The following MX1 variants were observed in gnomAD, a reference collection of about 807,000 sequenced individuals.
The protein encoded by MX1 is interferon-induced GTP-binding protein Mx1.
A neutral mutation model predicts 66.4 loss-of-function variants in MX1; 66 were observed. The ratio of observed to expected loss-of-function variants is 0.99; its 90% CI spans 0.82 to 1.22. The LOEUF (loss-of-function observed/expected upper bound fraction) is 1.22. MX1 is among the 50% of genes most tolerant of loss of function. The pLI is 0.00. For synonymous variants in MX1, 311 were observed against 318.1 expected (o/e 0.98, Z 0.24); for missense variants, 787 against 834.3 (o/e 0.94, Z 0.70).
chr21:41,450,329 T>C (rs1187373919), intron 14 of MX1, among the ~76,000 whole-genome samples: 1 of 152,184 alleles, frequency 6.6e-6, no homozygotes, highest in African/African-American at 2.4e-5. Context: ...TTTCCAGGTA[T>C]TAAATCTCTA....
At chr21:41,439,898 A>C in intron 8 of MX1, 50 bp downstream of exon 8, 5 of 680,428 alleles carry the variant, frequency 7.3e-6, no homozygotes, top group South Asian at 1.7e-5. Context: ...GGGATGGGGG[A>C]GTGGAGGGGT....
chr21:41,458,482 T>TCACAGTGTCCCCTCCA, intron 16 of MX1, 46 bp from the exon 17 acceptor site: 1 of 1,609,548 alleles, frequency 6.2e-7, no homozygotes, highest in Non-Finnish European at 8.5e-7. Context: ...AGTCCCCTCC[T>TCACAGTGTCCCCTCCA]CACAGTGTCC....
At position 41,439,839 on chromosome 21, in the gene MX1, T is replaced by G; in HGVS notation, c.582T>G (p.Ile194Met). ...CTGTGGGCAATCAGCCTGCTGACAT[T>G]GGGTATAAGGTCAGACTTCAGACCC... is the stretch of plus-strand genomic sequence containing the variant. The part of the protein sequence containing the change: ...RVAVGNQPAD[I>M]GYKIKTLIKK... The change falls in exon 8 of 17, where the codon ATT becomes ATG. Residue 194 changes from isoleucine to methionine, a missense_variant. Coordinates refer to ENST00000398598, the MANE Select transcript of MX1 (RefSeq NM_002462.5). The G allele has an allele frequency of 6.2e-7, 1 of 1,606,208 alleles. No individual in the cohort carries two copies. The highest frequency in any genetic ancestry group is 8.5e-7 in the Non-Finnish European group (1 of 1,177,200).
intron 14 of MX1, among the ~76,000 whole-genome samples, chr21:41,450,323 C>T (rs1240486315): frequency 6.6e-6 from 1 of 152,050 alleles, no homozygotes; most frequent in Non-Finnish European, 1.5e-5. Context: ...CTTGGTTTTC[C>T]AGGTATTAAA....
chr21:41,425,516 G>A (rs2090042630), upstream of MX1, among the ~76,000 whole-genome samples: 1 of 152,226 alleles, frequency 6.6e-6, no homozygotes, highest in African/African-American at 2.4e-5. Flanking sequence ...CCATCTGGAT[G>A]TATACCTGCA....
At chr21:41,444,318 C>CTTTTTTTTTTTTTTTTT (rs11317486) in intron 11 of MX1, among the ~76,000 whole-genome samples, 10 of 71,538 alleles carry the variant, frequency 1.4e-4, no homozygotes, top group African/African-American at 1.2e-4. Flanking sequence ...TCTTTTCTTT[C>CTTTTTTTTTTTTTTTTT]TTTTTTTTTT....
At chr21:41,452,008 C>T (rs1205341214) in intron 15 of MX1, among the ~76,000 whole-genome samples, 1 of 152,038 alleles carries the variant, frequency 6.6e-6, no homozygotes, top group Non-Finnish European at 1.5e-5. Context: ...AGCTGGAGGC[C>T]TTGGGATGTG....
At position 41,436,853 on chromosome 21, in the gene MX1, C is replaced by T. The variant is rs143891958; in HGVS notation, c.299-162C>T. On this transcript the variant is annotated intron_variant, in intron 6 of 16. Coordinates refer to ENST00000398598, the MANE Select transcript of MX1 (RefSeq NM_002462.5). ...ATGCATGTTCTTGAGGTCACCCAGA[C>T]ACAGTGCGATGTCCCCGCATATCAG... Among the ~76,000 whole-genome samples the T allele has an allele frequency of 2.0e-5, 3 of 152,310 alleles. No homozygotes were observed. In the East Asian group the frequency reaches 5.8e-4, roughly 29 times the overall value.
intron 11 of MX1, among the ~76,000 whole-genome samples, chr21:41,444,553 A>C (rs1163730753): frequency 1.3e-5 from 2 of 150,978 alleles, no homozygotes; most frequent in Non-Finnish European, 3.0e-5. Context: ...CCTTTTTCAA[A>C]TTTTCAACTC....
intron 3 of MX1, among the ~76,000 whole-genome samples, chr21:41,430,270 C>T (rs557515880): frequency 9.5e-4 from 144 of 152,082 alleles, no homozygotes; most frequent in African/African-American, 3.2e-3. Flanking sequence ...GAGATTCCTG[C>T]GAGGGGAAGC....
In MX1 at chr21:41,451,212, A is replaced by T. The variant is rs1161913847; in HGVS notation, c.1478A>T (p.Glu493Val). The T allele has an allele frequency of 2.5e-6, 4 of 1,612,992 alleles. No individual in the cohort carries two copies. Among genetic ancestry groups the T allele is most frequent in the East Asian group, 4.5e-5 (2 of 44,854 alleles). ...ACAGATGTTTCGATAAAAAATTTTGAAGAGTTTTTTAACCTCCACAGAACC... is the reference window on the plus strand; with the variant it reads ...ACAGATGTTTCGATAAAAAATTTTGTAGAGTTTTTTAACCTCCACAGAACC... ...AFTDVSIKNF[E>V]EFFNLHRTAK... Residue 493 changes from glutamate to valine, a missense_variant, in exon 15 of 17, where the codon GAA (glutamate) becomes GTA (valine). Physicochemically the swap from Glu to Val is moderately radical, Grantham distance 121. Transcript: ENST00000398598.
Position 41,458,797 on chromosome 21 carries a change from GTC to G in MX1, c.*41_*42del. 1 of 1,584,660 alleles carries G rather than the reference GTC, an allele frequency of 6.3e-7. No homozygotes were observed. Among genetic ancestry groups the G allele is most frequent in the Non-Finnish European group, 8.6e-7 (1 of 1,167,152 alleles). Reference sequence around the variant, plus strand: ...AGCCCCGTAGACGTGCACGCACACTGTCTGCCCCCGTTCCCGGGTAGCCACTG... The same window carrying G: ...AGCCCCGTAGACGTGCACGCACACTGTGCCCCCGTTCCCGGGTAGCCACTG... On this transcript the variant is annotated 3_prime_UTR_variant, in exon 17 of 17. Transcript: ENST00000398598.
At chr21:41,456,904 G>A (rs567956527) in intron 16 of MX1, among the ~76,000 whole-genome samples, 1 of 152,280 alleles carries the variant, frequency 6.6e-6, no homozygotes, top group African/African-American at 2.4e-5. Flanking sequence ...TGGGACTACA[G>A]GCACGTGCCA....
chr21:41,444,637 A>G (rs1398201709), intron 11 of MX1, among the ~76,000 whole-genome samples: 1 of 152,150 alleles, frequency 6.6e-6, no homozygotes, highest in South Asian at 2.1e-4. Context: ...CCAGCCGACC[A>G]TGATGAGTGC....
chr21:41,424,112 G>A (rs940602645), upstream of MX1, among the ~76,000 whole-genome samples: 14 of 152,156 alleles, frequency 9.2e-5, no homozygotes, highest in Admixed American at 5.9e-4. Context: ...CCTACCCTGC[G>A]TTCCCAAGGC....
chr21:41,440,671 A>G (rs137871843), intron 8 of MX1, among the ~76,000 whole-genome samples: 249 of 152,270 alleles, frequency 1.6e-3, no homozygotes, highest in African/African-American at 5.7e-3. Context: ...CCCTGAGCCT[A>G]TAGCTCTGCT....
In MX1 at chr21:41,452,702, G is replaced by A. The variant is rs1804113; in HGVS notation, c.1591G>A (p.Val531Ile). 201 of 1,614,194 alleles carry A rather than the reference G, an allele frequency of 1.2e-4. No homozygotes were observed. The highest frequency in any genetic ancestry group is 1.6e-4 in the Middle Eastern group (1 of 6,062). Reference sequence around the variant, plus strand: ...CCTCCACTTCCAGATGGAACAGATTGTCTACTGCCAGGACCAGGTATACAG... The same window carrying A: ...CCTCCACTTCCAGATGGAACAGATTATCTACTGCCAGGACCAGGTATACAG... The part of the protein sequence containing the change: ...IRLHFQMEQI[V>I]YCQDQVYRGA... The change falls in exon 16 of 17, where the codon GTC becomes ATC. Residue 531 changes from valine (V) to isoleucine (I), a missense_variant. Coordinates refer to ENST00000398598, the MANE Select transcript of MX1 (RefSeq NM_002462.5).
At position 41,456,067 on chromosome 21, in the gene MX1, C is replaced by G. The variant is rs192561866; in HGVS notation, c.1759-2461C>G. 1.3e-3 allele frequency among the ~76,000 whole-genome samples: 202 copies of G among 152,216 alleles called. 1 individual carries two copies. The highest frequency in any genetic ancestry group is 4.4e-3 in the African/African-American group (184 of 41,544). On this transcript the variant is annotated intron_variant, in intron 16 of 16. Coordinates refer to ENST00000398598, the MANE Select transcript of MX1 (RefSeq NM_002462.5). The stretch of plus-strand genomic sequence containing the variant: ...GACCAGCCTGGCCAACATGGCGAAA[C>G]CCGGTCTCTACTAAAAATACAAAAA...
intron 13 of MX1, among the ~76,000 whole-genome samples, chr21:41,446,791 A>G (rs537100467): frequency 6.3e-4 from 96 of 152,316 alleles, no homozygotes; most frequent in African/African-American, 2.2e-3. Context: ...ATACCATCAC[A>G]CTGGGGATTA....
Sources: allele counts gnomAD v4.1 joint callset (sites outside exome capture counted in the v4.1 genomes callset), GRCh38; gene constraint gnomAD v4.1.1; transcripts MANE v1.5; gene names NCBI Gene and HGNC (gene_info 2026-07-23, HGNC 2026-07-21).